Variants in PRKCH observed in about 807,000 individuals in gnomAD.
The protein encoded by PRKCH is protein kinase C eta.
In PRKCH, 28 loss-of-function variants were observed where a neutral mutation model predicts 82.5. That is an observed-to-expected ratio of 0.34 (90% CI 0.25 to 0.47). The LOEUF is 0.47. PRKCH is among the 20% of genes least tolerant of loss of function. The pLI is 1.00. For missense variants in PRKCH, 705 were observed against 881.8 expected (o/e 0.80, Z 2.54); for synonymous variants, 322 against 327.4 (o/e 0.98, Z 0.18).
At position 61,322,221 on chromosome 14, in the gene PRKCH, G is replaced by T. The variant is rs763274381; in HGVS notation, c.120G>T (p.Leu40=). 7.4e-6 allele frequency: 12 copies of T among 1,613,446 alleles called. No homozygotes were observed. The highest frequency in any genetic ancestry group is 1.6e-4 in the Middle Eastern group (1 of 6,062). The change falls in exon 1 of 14, where the codon CTG becomes CTT. Residue 40 remains leucine (L), a synonymous_variant. Transcript: ENST00000332981. ...RHSLFKKGHQ[L]LDPYLTVSVD... ...CGCTCTTCAAGAAGGGCCACCAGCT[G>T]CTGGACCCCTATCTGACGGTGAGCG...
At chr14:61,481,765 T>C (rs901721598) in intron 9 of PRKCH, among the ~76,000 whole-genome samples, 3 of 152,228 alleles carry the variant, frequency 2.0e-5, no homozygotes, top group African/African-American at 7.2e-5. Flanking sequence ...GTCTGCATTT[T>C]TGGCTATAAC....
At chr14:61,288,532 C>T (rs533430865) in intron 1 of PRKCH, among the ~76,000 whole-genome samples, 1 of 152,074 alleles carries the variant, frequency 6.6e-6, no homozygotes, top group East Asian at 1.9e-4. Context: ...AGATCGTATA[C>T]CCATGGAGTG....
At chr14:61,412,067 G>C (rs533425276) in intron 2 of PRKCH, among the ~76,000 whole-genome samples, 4 of 152,264 alleles carry the variant, frequency 2.6e-5, no homozygotes, top group Non-Finnish European at 5.9e-5. Context: ...GAGTAACTTA[G>C]CTGTGTCCCA....
intron 10 of PRKCH, among the ~76,000 whole-genome samples, chr14:61,522,937 T>G (rs887169846): frequency 3.9e-5 from 6 of 152,268 alleles, no homozygotes; most frequent in African/African-American, 1.2e-4. Context: ...ATGCTTTTGC[T>G]AATTCAGTGA....
At chr14:61,466,504 G>T (rs1478266196) in intron 9 of PRKCH, among the ~76,000 whole-genome samples, 1 of 152,022 alleles carries the variant, frequency 6.6e-6, no homozygotes, top group Non-Finnish European at 1.5e-5. Flanking sequence ...CAAAGACTAG[G>T]GGGTGAGGGA....
intron 9 of PRKCH, among the ~76,000 whole-genome samples, chr14:61,465,878 C>T (rs941294271): frequency 5.9e-5 from 9 of 152,118 alleles, no homozygotes; most frequent in South Asian, 2.1e-4. Flanking sequence ...GTTTATTGCA[C>T]GTGATTCCTA....
intron 1 of PRKCH, among the ~76,000 whole-genome samples, chr14:61,263,088 T>C (rs1038847878): frequency 3.9e-5 from 6 of 152,196 alleles, no homozygotes; most frequent in Non-Finnish European, 7.3e-5. Flanking sequence ...ATTCATTATA[T>C]GTGTTCACGA....
At chr14:61,418,945 G>A (rs1027380404) in intron 2 of PRKCH, among the ~76,000 whole-genome samples, 10 of 152,112 alleles carry the variant, frequency 6.6e-5, no homozygotes, top group East Asian at 3.8e-4. Context: ...GCCAACACCC[G>A]TGGCTTCCTA....
intron 11 of PRKCH, among the ~76,000 whole-genome samples, chr14:61,529,912 A>T (rs948280402): frequency 1.6e-4 from 23 of 146,086 alleles, no homozygotes; most frequent in African/African-American, 5.4e-4. Flanking sequence ...TAATAAAAAA[A>T]AATATATATA....
At chr14:61,355,183 C>CCATACT (rs1344703262) in intron 1 of PRKCH, among the ~76,000 whole-genome samples, 4 of 152,174 alleles carry the variant, frequency 2.6e-5, no homozygotes, top group Non-Finnish European at 5.9e-5. Flanking sequence ...CTTACTTTTG[C>CCATACT]CCATACTCTG....
chr14:61,207,413 C>T (rs1382215048), intron 1 of PRKCH, among the ~76,000 whole-genome samples: 1 of 152,186 alleles, frequency 6.6e-6, no homozygotes, highest in Non-Finnish European at 1.5e-5. Flanking sequence ...AAGACTCAAT[C>T]CACTTGCACA....
chr14:61,305,758 A>AC (rs2140106989), intron 1 of PRKCH: 1 of 152,212 alleles, frequency 6.6e-6, no homozygotes, highest in African/African-American at 2.4e-5. Flanking sequence ...ATGCATCCTT[A>AC]CATATATTTA....
At chr14:61,310,709 A>G (rs1450182291) in intron 1 of PRKCH, among the ~76,000 whole-genome samples, 2 of 152,212 alleles carry the variant, frequency 1.3e-5, no homozygotes, top group African/African-American at 2.4e-5. Flanking sequence ...CAGTGACCCA[A>G]TGGGGACTCT....
intron 4 of PRKCH, among the ~76,000 whole-genome samples, chr14:61,448,853 C>T (rs1048629200): frequency 1.3e-5 from 2 of 152,092 alleles, no homozygotes; most frequent in African/African-American, 4.8e-5. Flanking sequence ...CAGTGAATTA[C>T]CATGGAATGT....
intron 5 of PRKCH, 98 bp from the exon 6 acceptor site, chr14:61,450,744 A>G: frequency 7.0e-7 from 1 of 1,424,720 alleles, no homozygotes; most frequent in Non-Finnish European, 9.6e-7. Context: ...CTCAGGTGTC[A>G]TAGTGACACT....
chr14:61,291,531 T>C (rs1290849523), intron 1 of PRKCH, among the ~76,000 whole-genome samples: 2 of 152,226 alleles, frequency 1.3e-5, no homozygotes, highest in Admixed American at 6.5e-5. Context: ...GGTTTCACCA[T>C]GTTGGCCAGG....
At chr14:61,211,770 T>A (rs541785853) in intron 1 of PRKCH, among the ~76,000 whole-genome samples, 15 of 152,126 alleles carry the variant, frequency 9.9e-5, no homozygotes, top group Non-Finnish European at 1.6e-4. Context: ...CCCTCCACAC[T>A]TAAGATTGCT....
intron 10 of PRKCH, among the ~76,000 whole-genome samples, chr14:61,488,607 G>GA (rs1364288784): frequency 6.6e-6 from 1 of 152,182 alleles, no homozygotes; most frequent in Non-Finnish European, 1.5e-5. Flanking sequence ...CCTTTTTGGT[G>GA]ATAGGACCAC....
intron 12 of PRKCH, among the ~76,000 whole-genome samples, chr14:61,531,146 A>AT (rs2043039695): frequency 6.6e-6 from 1 of 152,230 alleles, no homozygotes; most frequent in Non-Finnish European, 1.5e-5. Flanking sequence ...GTAATGGATC[A>AT]TGTTGAGAAA....
Sources: gnomAD v4.1 joint callset for allele counts (sites outside exome capture counted in the v4.1 genomes callset) on GRCh38, gnomAD v4.1.1 for gene constraint, MANE v1.5 for transcripts, NCBI Gene and HGNC (gene_info 2026-07-23, HGNC 2026-07-21) for gene names.